Variants in ANKS1B observed in about 807,000 individuals in gnomAD.
ANKS1B encodes ankyrin repeat and sterile alpha motif domain-containing protein 1B.
A neutral mutation model predicts 148.3 loss-of-function variants in ANKS1B; 36 were observed. The ratio of observed to expected loss-of-function variants is 0.24; its 90% CI spans 0.19 to 0.32. The LOEUF is 0.32. ANKS1B is among the 10% of genes least tolerant of loss of function. The probability of loss-of-function intolerance (pLI) is 1.00; values close to 1 mark genes in which losing one functional copy is unlikely to be tolerated. For missense variants in ANKS1B, 1,157 were observed against 1,542.6 expected, an observed-to-expected ratio of 0.75 and a Z score of 4.19; for synonymous variants, 542 against 560.8, an observed-to-expected ratio of 0.97 and a Z score of 0.47.
intron 16 of ANKS1B, among the ~76,000 whole-genome samples, chr12:99,083,620 A>G (rs901821055): frequency 3.9e-5 from 6 of 152,192 alleles, no homozygotes; most frequent in Admixed American, 1.3e-4. Context: ...TTGCATGAAT[A>G]TGTTATGAAA....
intron 8 of ANKS1B, among the ~76,000 whole-genome samples, chr12:99,754,150 G>A (rs983529082): frequency 2.0e-5 from 3 of 151,784 alleles, no homozygotes; most frequent in Admixed American, 2.0e-4. Context: ...CAAAATAAAG[G>A]GACAGAGAAA....
intron 12 of ANKS1B, among the ~76,000 whole-genome samples, chr12:99,352,555 T>C (rs1311245287): frequency 6.6e-6 from 1 of 152,082 alleles, no homozygotes; most frequent in East Asian, 1.9e-4. Context: ...GTAATGAAAC[T>C]GTGCCTTAAC....
intron 1 of ANKS1B, among the ~76,000 whole-genome samples, chr12:99,980,231 A>G (rs1376352825): frequency 1.3e-5 from 2 of 151,926 alleles, no homozygotes; most frequent in African/African-American, 4.8e-5. Context: ...GGCCCAGAAA[A>G]TCTTGACCTG....
chr12:99,197,513 C>A (rs1401513928), intron 14 of ANKS1B, among the ~76,000 whole-genome samples: 1 of 152,116 alleles, frequency 6.6e-6, no homozygotes, highest in Non-Finnish European at 1.5e-5. Context: ...AGATACACTG[C>A]AGATGTGATT....
chr12:99,229,974 A>G (rs1053343627), intron 14 of ANKS1B, among the ~76,000 whole-genome samples: 17 of 151,248 alleles, frequency 1.1e-4, no homozygotes, highest in Non-Finnish European at 2.4e-4. Context: ...TAGTTTGGAA[A>G]AATTTTTCTT....
intron 9 of ANKS1B, among the ~76,000 whole-genome samples, chr12:99,566,213 A>G (rs984268538): frequency 6.6e-6 from 1 of 152,152 alleles, no homozygotes; most frequent in Non-Finnish European, 1.5e-5. Context: ...TCTTCCTTCA[A>G]CTTATCTCTC....
At chr12:99,089,141 C>T (rs2053160906) in intron 15 of ANKS1B, among the ~76,000 whole-genome samples, 1 of 150,362 alleles carries the variant, frequency 6.7e-6, no homozygotes, top group African/African-American at 2.5e-5. Flanking sequence ...AAAAACTGAA[C>T]ACAACTCTAG....
chr12:99,394,821 T>C (rs551759161), intron 12 of ANKS1B, among the ~76,000 whole-genome samples: 3 of 152,168 alleles, frequency 2.0e-5, no homozygotes, highest in African/African-American at 2.4e-5. Context: ...TTCACATCTA[T>C]ACCTGCAGAC....
intron 9 of ANKS1B, among the ~76,000 whole-genome samples, chr12:99,554,431 T>C (rs1374444868): frequency 6.6e-6 from 1 of 152,064 alleles, no homozygotes; most frequent in Non-Finnish European, 1.5e-5. Flanking sequence ...TACAAATTGC[T>C]CCACAAACTT....
chr12:99,785,560 A>G lies in ANKS1B; in HGVS notation c.670-3463T>C, dbSNP rs143637010. ...GCGATTCTCCTGCCTCAGCTTCCCA[A>G]GTAGCTGAGATTAAGGCATGCGCCA... is the stretch of plus-strand genomic sequence containing the variant. On this transcript the variant is annotated intron_variant, in intron 4 of 26. Coordinates refer to ENST00000683438, the MANE Select transcript of ANKS1B (RefSeq NM_001352186.2). 3.2e-3 allele frequency among the ~76,000 whole-genome samples: 487 copies of G among 152,088 alleles called. 2 individuals are homozygous for G. The highest frequency in any genetic ancestry group is 0.011 in the African/African-American group (461 of 41,496).
chr12:98,873,601 A>T (rs982322448), intron 17 of ANKS1B, among the ~76,000 whole-genome samples: 11 of 152,320 alleles, frequency 7.2e-5, no homozygotes, highest in African/African-American at 2.6e-4. Flanking sequence ...AAAAGGTTAT[A>T]CCCTTGTGCA....
At chr12:99,603,640 A>T (rs1198330477) in intron 9 of ANKS1B, among the ~76,000 whole-genome samples, 1 of 152,122 alleles carries the variant, frequency 6.6e-6, no homozygotes, top group Non-Finnish European at 1.5e-5. Context: ...AATCCTTACA[A>T]ATAGTTTCTG....
At chr12:99,263,740 C>A (rs1337109676) in intron 12 of ANKS1B, among the ~76,000 whole-genome samples, 1 of 152,094 alleles carries the variant, frequency 6.6e-6, no homozygotes, top group Non-Finnish European at 1.5e-5. Flanking sequence ...TCCTCCTACA[C>A]ACACACTCAC....
intron 1 of ANKS1B, among the ~76,000 whole-genome samples, chr12:99,870,323 C>G (rs978339380): frequency 2.0e-5 from 3 of 152,076 alleles, no homozygotes; most frequent in Non-Finnish European, 4.4e-5. Flanking sequence ...CGTATATTTT[C>G]TTTATCCAAT....
intron 9 of ANKS1B, among the ~76,000 whole-genome samples, chr12:99,592,127 A>G (rs770063310): frequency 3.9e-5 from 6 of 152,124 alleles, no homozygotes; most frequent in Non-Finnish European, 7.4e-5. Flanking sequence ...TACTAATATA[A>G]TGGTGACTTT....
intron 15 of ANKS1B, among the ~76,000 whole-genome samples, chr12:99,091,102 T>C (rs527484621): frequency 6.6e-6 from 1 of 152,312 alleles, no homozygotes; most frequent in South Asian, 2.1e-4. Flanking sequence ...TTCTTCAGAC[T>C]ATGTGGACTA....
chr12:99,125,473 G>T (rs2064062803), intron 15 of ANKS1B, among the ~76,000 whole-genome samples: 1 of 152,118 alleles, frequency 6.6e-6, no homozygotes, highest in African/African-American at 2.4e-5. Context: ...GCTGAATCTT[G>T]GGCTGCCATG....
intron 17 of ANKS1B, among the ~76,000 whole-genome samples, chr12:99,009,088 A>G (rs920191775): frequency 6.6e-6 from 1 of 152,214 alleles, no homozygotes; most frequent in Non-Finnish European, 1.5e-5. Context: ...GTCAAGACCA[A>G]TGCTAACTGT....
chr12:99,273,163 A>G (rs187620095), intron 12 of ANKS1B, among the ~76,000 whole-genome samples: 106 of 152,188 alleles, frequency 7.0e-4, no homozygotes, highest in Non-Finnish European at 1.2e-3. Context: ...TCTTAGTTCT[A>G]CTTTCTGGGT....
Sources: gnomAD v4.1 joint callset for allele counts (sites outside exome capture counted in the v4.1 genomes callset) on GRCh38, gnomAD v4.1.1 for gene constraint, MANE v1.5 for transcripts, NCBI Gene and HGNC (gene_info 2026-07-23, HGNC 2026-07-21) for gene names.